The following FSHR variants were observed in gnomAD, a reference collection of about 807,000 sequenced individuals.
FSHR encodes follicle stimulating hormone receptor.
FSHR carries 46 observed loss-of-function variants against 52.1 expected under a neutral mutation model. That is an observed-to-expected ratio of 0.88 (90% CI 0.70 to 1.13). The LOEUF is 1.13. Among genes scored for constraint, FSHR ranks in the 50% most tolerant of loss-of-function variants. The probability of loss-of-function intolerance (pLI) is 0.00; values close to 1 mark genes in which losing one functional copy is unlikely to be tolerated. For missense variants in FSHR, 964 were observed against 834.6 expected (o/e 1.16, Z -1.91); for synonymous variants, 399 against 309.6 (o/e 1.29, Z -3.03).
intron 1 of FSHR, among the ~76,000 whole-genome samples, chr2:49,095,237 G>A (rs959311064): frequency 2.0e-5 from 3 of 152,096 alleles, no homozygotes; most frequent in African/African-American, 7.2e-5. Context: ...TCACTACAGA[G>A]CTACAGTAAT....
chr2:49,048,290 G>A (rs949416149), intron 2 of FSHR, among the ~76,000 whole-genome samples: 14 of 150,940 alleles, frequency 9.3e-5, no homozygotes, highest in African/African-American at 3.2e-4. Context: ...AATAAAAAGT[G>A]GTTTTCTTAT....
rs112415539 is a variant in FSHR, at chr2:48,978,355, A to G, written c.668+4557T>C. ...TACTACACTGACAGATGGCTAGAAG[A>G]CCTCTCTTTCATGATCCCAGGCTGG... On this transcript the variant is annotated intron_variant, in intron 8 of 9. Transcript: ENST00000406846. Among the ~76,000 whole-genome samples, 696 of 152,306 alleles carry G rather than the reference A, an allele frequency of 4.6e-3. 6 individuals carry two copies. Among genetic ancestry groups the G allele is most frequent in the African/African-American group, 0.016 (669 of 41,558 alleles).
chr2:48,995,580 A>G (rs894899464), intron 4 of FSHR, among the ~76,000 whole-genome samples: 10 of 152,132 alleles, frequency 6.6e-5, no homozygotes, highest in Non-Finnish European at 1.5e-4. Context: ...AAGAAGAAGC[A>G]TGGTGTTAAT....
At chr2:49,114,042 T>G (rs1671516710) in intron 1 of FSHR, among the ~76,000 whole-genome samples, 1 of 152,080 alleles carries the variant, frequency 6.6e-6, no homozygotes, top group Admixed American at 6.6e-5. Flanking sequence ...GCATGCTCCT[T>G]CTCCACCTGG....
At chr2:49,015,474 T>C (rs1420794910) in intron 4 of FSHR, among the ~76,000 whole-genome samples, 1 of 152,184 alleles carries the variant, frequency 6.6e-6, no homozygotes, top group Non-Finnish European at 1.5e-5. Context: ...TATTTTCATA[T>C]CTAAATCTTG....
At chr2:49,010,613 C>T (rs1452801394) in intron 4 of FSHR, among the ~76,000 whole-genome samples, 6 of 150,732 alleles carry the variant, frequency 4.0e-5, no homozygotes, top group Admixed American at 3.9e-4. Flanking sequence ...GTACCAGTTC[C>T]TCCTTGTACC....
chr2:49,117,971 A>C (rs1338920875), intron 1 of FSHR, among the ~76,000 whole-genome samples: 1 of 152,210 alleles, frequency 6.6e-6, no homozygotes, highest in Admixed American at 6.5e-5. Flanking sequence ...CAGTTTAATC[A>C]CTTAGCAAAT....
At chr2:48,996,373 C>T (rs1676023750) in intron 4 of FSHR, among the ~76,000 whole-genome samples, 2 of 152,070 alleles carry the variant, frequency 1.3e-5, no homozygotes, top group South Asian at 4.1e-4. Flanking sequence ...ATTAGTGAAT[C>T]ACTGGCCCCA....
chr2:48,990,602 T>A lies in FSHR; in HGVS notation c.410A>T (p.Asp137Val), dbSNP rs761976313. Residue 137 changes from aspartate (D) to valine (V), a missense_variant, in exon 5 of 10, where the codon GAT (aspartate) becomes GTT (valine). Transcript: ENST00000406846. ...TTGGAGAGAATGAATCTTGTGAACA[T>A]CTGGAAGGTGCTTAATACCTGTGTT... ...ISNTGIKHLP[D>V]VHKIHSLQKV... is the part of the protein sequence containing the mutation. The A allele has an allele frequency of 6.2e-7, 1 of 1,612,256 alleles. No individual in the cohort carries two copies. Among genetic ancestry groups the A allele is most frequent in the Non-Finnish European group, 8.5e-7 (1 of 1,178,390 alleles).
chr2:49,016,514 G>C (rs1395585407), intron 4 of FSHR, among the ~76,000 whole-genome samples: 7 of 152,280 alleles, frequency 4.6e-5, no homozygotes, highest in African/African-American at 1.7e-4. Context: ...CTAGAAATGA[G>C]TGCCTCTTAG....
intron 2 of FSHR, among the ~76,000 whole-genome samples, chr2:49,024,919 A>G (rs1572649217): frequency 1.3e-5 from 2 of 152,194 alleles, no homozygotes; most frequent in South Asian, 4.1e-4. Flanking sequence ...TGCCCCTTGC[A>G]TATTGCATTG....
chr2:49,021,863 C>CTCTCTCTCTCTCTCTCTATA (rs1467766420), intron 2 of FSHR, among the ~76,000 whole-genome samples: 3 of 49,864 alleles, frequency 6.0e-5, no homozygotes, highest in African/African-American at 1.6e-4. Flanking sequence ...CTCTCTCTCT[C>CTCTCTCTCTCTCTCTCTATA]TATATATATA....
chr2:49,053,536 T>A (rs559919557), intron 2 of FSHR, among the ~76,000 whole-genome samples: 1 of 152,168 alleles, frequency 6.6e-6, no homozygotes, highest in Non-Finnish European at 1.5e-5. Context: ...AGCCACTTCA[T>A]GTTGCAGAGA....
At position 49,048,225 on chromosome 2, in the gene FSHR, T is replaced by C. The variant is rs142259475; in HGVS notation, c.224+19994A>G. The stretch of plus-strand genomic sequence containing the variant: ...TGATACAATTTTTATATGTCAATCA[T>C]ACCTCAAGAAGACTGGAAAGAAAAA... On this transcript the variant is annotated intron_variant, in intron 2 of 9. Coordinates refer to ENST00000406846, the MANE Select transcript of FSHR (RefSeq NM_000145.4). Among the ~76,000 whole-genome samples the C allele has an allele frequency of 9.9e-5, 15 of 151,640 alleles. No homozygotes were observed. In the East Asian group the frequency reaches 2.9e-3, roughly 30 times the overall value.
rs543267567 is a variant in FSHR at position 49,032,471 on chromosome 2, C to T, written c.225-12311G>A. On this transcript the variant is annotated intron_variant, in intron 2 of 9. Coordinates refer to ENST00000406846, the MANE Select transcript of FSHR (RefSeq NM_000145.4). ...TTCCTTTGCAGTCCTCTTCTTCATA[C>T]ATATTTGAAAGAGTATAGTTTCTGC... 8.3e-4 allele frequency among the ~76,000 whole-genome samples: 126 copies of T among 152,286 alleles called. 6 individuals are homozygous for T. In the South Asian group the frequency reaches 0.026, roughly 31 times the overall value.
chr2:48,975,301 C>A (rs1222738624), intron 8 of FSHR, among the ~76,000 whole-genome samples: 1 of 151,972 alleles, frequency 6.6e-6, no homozygotes, highest in East Asian at 1.9e-4. Flanking sequence ...CCTCCCCCAC[C>A]CCCTTGGATT....
At chr2:49,110,571 T>C (rs1482605636) in intron 1 of FSHR, among the ~76,000 whole-genome samples, 2 of 152,174 alleles carry the variant, frequency 1.3e-5, no homozygotes, top group East Asian at 3.9e-4. Context: ...GTCACCCTCA[T>C]CATGTTTTCA....
intron 2 of FSHR, among the ~76,000 whole-genome samples, chr2:49,037,918 G>A (rs1297369815): frequency 6.6e-6 from 1 of 151,906 alleles, no homozygotes. Context: ...TCAGTTTAAG[G>A]AAATCATTAA....
intron 8 of FSHR, among the ~76,000 whole-genome samples, chr2:48,975,525 G>A (rs1344736759): frequency 6.6e-6 from 1 of 152,114 alleles, no homozygotes; most frequent in African/African-American, 2.4e-5. Flanking sequence ...CCCCGGTTCT[G>A]AAGCTTTCAA....
Sources: allele counts gnomAD v4.1 joint callset (sites outside exome capture counted in the v4.1 genomes callset), GRCh38; gene constraint gnomAD v4.1.1; transcripts MANE v1.5; gene names NCBI Gene and HGNC (gene_info 2026-07-23, HGNC 2026-07-21).